TSBP1: variants seen among roughly 807,000 people sequenced by gnomAD.
TSBP1 encodes the protein testis-expressed basic protein 1.
A neutral mutation model predicts 68.8 loss-of-function variants in TSBP1; 56 were observed. That is an observed-to-expected ratio of 0.81 (90% CI 0.66 to 1.02). The LOEUF (loss-of-function observed/expected upper bound fraction) is 1.02, where lower values mean the gene tolerates loss of function less well. TSBP1 is among the 50% of genes least tolerant of loss of function. The pLI is 0.00. For synonymous variants in TSBP1, 171 were observed against 208.7 expected (o/e 0.82, Z 1.56); for missense variants, 502 against 641.2 (o/e 0.78, Z 2.34).
At position 32,316,501 on chromosome 6, in the gene TSBP1, G is replaced by T; in HGVS notation, c.560-709C>A. 9.4e-7 allele frequency: 1 copy of T among 1,059,484 alleles called. No individual in the cohort carries two copies. The highest frequency in any genetic ancestry group is 1.4e-6 in the Non-Finnish European group (1 of 709,398). 65.6% of individuals were successfully genotyped at this position (1,059,484 alleles called of 1,614,324 possible). Reference sequence around the variant, plus strand: ...GATATTTGTGTTGGGGAGAATCTTGGTAGTCACACAGCTCTGGATGACAAT... The same window carrying T: ...GATATTTGTGTTGGGGAGAATCTTGTTAGTCACACAGCTCTGGATGACAAT... On this transcript the variant is annotated intron_variant, in intron 18 of 22. Transcript: ENST00000612031. The surrounding 1 kb of genome is among the most constrained non-coding windows in gnomAD (Gnocchi z 4.5).
chr6:32,305,974 T>C (rs553837934), intron 19 of TSBP1, among the ~76,000 whole-genome samples: 3 of 152,310 alleles, frequency 2.0e-5, no homozygotes, highest in Admixed American at 1.3e-4. Context: ...ATCTATAAAG[T>C]TGGTCAGTTT....
Position 32,343,285 on chromosome 6 carries a change from T to G in TSBP1, c.350-3647A>C, listed in dbSNP as rs780882441. On this transcript the variant is annotated intron_variant, in intron 9 of 22. Coordinates refer to ENST00000612031, the Ensembl canonical transcript of TSBP1. The surrounding 1 kb of genome is among the most constrained non-coding windows in gnomAD (Gnocchi z 4.3). ...TAAAGAACAATAACAATTATTCAAG[T>G]CAGTCTAAAGTTTCAATAATCCATC... is the stretch of plus-strand genomic sequence containing the variant. The G allele has an allele frequency of 1.5e-6, 2 of 1,354,534 alleles. No homozygotes were observed. Among genetic ancestry groups the G allele is most frequent in the South Asian group, 3.7e-5 (2 of 53,584 alleles). The allele number at this position is 1,354,534 out of a possible 1,614,324, so 83.9% of individuals were successfully genotyped here.
At chr6:32,300,728 G>T (rs1765201571) in intron 20 of TSBP1, 28 bp from the exon 24 acceptor site, 2 of 1,603,810 alleles carry the variant, frequency 1.2e-6, no homozygotes, top group Non-Finnish European at 1.7e-6. Flanking sequence ...AAACACATCA[G>T]TAGGTACTGG....
exon 22 of TSBP1, chr6:32,299,930 G>A: frequency 6.2e-7 from 1 of 1,609,352 alleles, no homozygotes; most frequent in South Asian, 1.1e-5. Context: ...ACCCACAGGA[G>A]TCAGTGCTAA....
In TSBP1 at chr6:32,315,874, T is replaced by A. The variant is rs1355105629; in HGVS notation, c.560-82A>T. On this transcript the variant is annotated intron_variant, in intron 18 of 22. Coordinates refer to ENST00000612031, the Ensembl canonical transcript of TSBP1. This position sits in a 1 kb window ranked among gnomAD's most constrained non-coding sequence, Gnocchi z 5.4. Reference sequence around the variant, plus strand: ...CATTATCTAACATATTTTGTTGGAGTCTGTGAGGGGAGGACTTGTGTGGGC... The same window carrying A: ...CATTATCTAACATATTTTGTTGGAGACTGTGAGGGGAGGACTTGTGTGGGC... The A allele has an allele frequency of 3.4e-6, 3 of 889,632 alleles. No homozygotes were observed. The highest frequency in any genetic ancestry group is 5.3e-5 in the East Asian group (2 of 37,766). 55.1% of individuals were successfully genotyped at this position (889,632 alleles called of 1,614,324 possible).
intron 19 of TSBP1, among the ~76,000 whole-genome samples, chr6:32,308,576 C>A (rs1335321012): frequency 5.4e-5 from 7 of 128,452 alleles, no homozygotes; most frequent in Non-Finnish European, 9.6e-5. Flanking sequence ...CCAGCCTGTG[C>A]GACAGAGCGA....
rs1408589472 is a variant in TSBP1 at position 32,340,936 on chromosome 6, C to T, written c.350-1298G>A. 6.6e-6 allele frequency among the ~76,000 whole-genome samples: 1 copy of T among 152,078 alleles called. No individual in the cohort carries two copies. The highest frequency in any genetic ancestry group is 1.9e-4 in the East Asian group (1 of 5,194). On this transcript the variant is annotated intron_variant, in intron 9 of 22. Transcript: ENST00000612031. The surrounding 1 kb of genome is among the most constrained non-coding windows in gnomAD (Gnocchi z 4.8). ...TCAGCCTCCTGAGTAGCTGGGATTA[C>T]AGGCATGTGCCACCACGCCCAGCTA...
rs1769774544 is a variant in TSBP1 at position 32,337,173 on chromosome 6, T to G, written c.410-538A>C. ...ATAGAACTAATGAGAAAATACTGTT[T>G]GCATTTAAATTCTTCCTGGGAAAAC... On this transcript the variant is annotated intron_variant, in intron 11 of 22. Coordinates refer to ENST00000612031, the Ensembl canonical transcript of TSBP1. This position sits in a 1 kb window ranked among gnomAD's most constrained non-coding sequence, Gnocchi z 5.5. Among the ~76,000 whole-genome samples, 1 of 152,246 alleles carries G rather than the reference T, an allele frequency of 6.6e-6. No homozygotes were observed. The highest frequency in any genetic ancestry group is 1.5e-5 in the Non-Finnish European group (1 of 68,050).
intron 8 of TSBP1, among the ~76,000 whole-genome samples, 187 bp downstream of exon 8, chr6:32,354,937 T>C (rs754656103): frequency 6.6e-6 from 1 of 152,132 alleles, no homozygotes; most frequent in Non-Finnish European, 1.5e-5. Flanking sequence ...GAGTGGAATA[T>C]GTCTATGATA....
chr6:32,371,391 G>A (rs961159364), intron 1 of TSBP1, among the ~76,000 whole-genome samples: 4 of 152,170 alleles, frequency 2.6e-5, no homozygotes, highest in Non-Finnish European at 5.9e-5. Context: ...CCATGCTACA[G>A]GAAGTGAGAT....
Position 32,365,219 on chromosome 6 carries a change from C to G in TSBP1, c.217+948G>C, listed in dbSNP as rs9268357. 166,379 of 421,860 alleles carry G rather than the reference C, an allele frequency of 0.39. 35,517 individuals are homozygous for G. Among genetic ancestry groups the G allele is most frequent in the Middle Eastern group, 0.56 (1,583 of 2,806 alleles). The allele number at this position is 421,860 out of a possible 1,614,324, so 26.1% of individuals were successfully genotyped here. ...GATGGGATTTCTAAGATTGTGCTTTCTCTCAATCCTGCAAAGCCAGTCCAG... is the reference window on the plus strand; with the variant it reads ...GATGGGATTTCTAAGATTGTGCTTTGTCTCAATCCTGCAAAGCCAGTCCAG... On this transcript the variant is annotated intron_variant, in intron 6 of 22. Coordinates refer to ENST00000612031, the Ensembl canonical transcript of TSBP1. The surrounding 1 kb of genome is among the most constrained non-coding windows in gnomAD (Gnocchi z 4.3).
chr6:32,299,824 G>T, intron 22 of TSBP1, 98 bp downstream of exon 25: 1 of 962,160 alleles, frequency 1.0e-6, no homozygotes, highest in Non-Finnish European at 1.7e-6. Flanking sequence ...ATTGGCCTTA[G>T]AAGCACAGGC....
Position 32,302,561 on chromosome 6 carries a change from C to T in TSBP1, c.601+48G>A, listed in dbSNP as rs523005. ...ACATTTGTAGAAAAAATTTGCTCAC[C>T]CCAGCCCTACAAGAAACTAATGTAA... is the stretch of plus-strand genomic sequence containing the variant. On this transcript the variant is annotated intron_variant, in intron 20 of 22. Coordinates refer to ENST00000612031, the Ensembl canonical transcript of TSBP1. This position sits in a 1 kb window ranked among gnomAD's most constrained non-coding sequence, Gnocchi z 5.1. 8.8e-3 allele frequency: 11,487 copies of T among 1,299,584 alleles called. 310 individuals carry two copies. Among genetic ancestry groups the T allele is most frequent in the African/African-American group, 0.086 (5,692 of 65,930 alleles). The allele number at this position is 1,299,584 out of a possible 1,614,324, so 80.5% of individuals were successfully genotyped here. A position where few individuals can be genotyped will look rare whatever the true frequency, so the allele number is the denominator to read the frequency against.
chr6:32,293,266 C>T, exon 23 of TSBP1: 1 of 1,612,192 alleles, frequency 6.2e-7, no homozygotes, highest in Non-Finnish European at 8.5e-7. Flanking sequence ...CTTGGGATTC[C>T]AGTGTTTCTG....
chr6:32,347,252 C>A lies in TSBP1; in HGVS notation c.349+2488G>T, dbSNP rs866009691. On this transcript the variant is annotated intron_variant, in intron 9 of 22. Transcript: ENST00000612031. ...AATCACAATTCACTGTAGCCTTGACCTCTTGGGCTCAAGTGATCCTCCCAC... is the reference window on the plus strand; with the variant it reads ...AATCACAATTCACTGTAGCCTTGACATCTTGGGCTCAAGTGATCCTCCCAC... Among the ~76,000 whole-genome samples the A allele has an allele frequency of 3.1e-4, 47 of 151,828 alleles. 1 individual carries two copies. Among genetic ancestry groups the A allele is most frequent in the African/African-American group, 1.1e-3 (46 of 41,356 alleles).
At chr6:32,342,434 A>G (rs3129903) in intron 9 of TSBP1, among the ~76,000 whole-genome samples, 115,316 of 152,100 alleles carry the variant, frequency 0.76, 43,918 homozygotes, top group South Asian at 0.86. Context: ...GATTACGGGC[A>G]TGAGCCATGG....
chr6:32,355,270 C>A (rs1351099370), intron 7 of TSBP1, 126 bp from the exon 8 acceptor site: 1 of 916,712 alleles, frequency 1.1e-6, no homozygotes, highest in African/African-American at 1.7e-5. Context: ...GGAGTCATCA[C>A]TGATCTGGTG....
chr6:32,346,985 T>C (rs1283893013), intron 9 of TSBP1, among the ~76,000 whole-genome samples: 2 of 152,232 alleles, frequency 1.3e-5, no homozygotes, highest in Admixed American at 6.5e-5. Context: ...AGAGAGTAGA[T>C]TTTAAGTGTT....
chr6:32,371,665 G>A lies in TSBP1; in HGVS notation c.13+29C>T, dbSNP rs189438985. The A allele has an allele frequency of 3.8e-4, 594 of 1,567,788 alleles. 3 individuals carry two copies. In the African/African-American group the frequency reaches 7.6e-3, roughly 20 times the overall value. On this transcript the variant is annotated intron_variant, in intron 1 of 22. Coordinates refer to ENST00000612031, the Ensembl canonical transcript of TSBP1. ...AGACTCCTGAACTACTAGAGTTGAGGAAGCCTCAAAGAGGGAGTTAGTCCA... is the reference window on the plus strand; with the variant it reads ...AGACTCCTGAACTACTAGAGTTGAGAAAGCCTCAAAGAGGGAGTTAGTCCA...
Sources: gnomAD v4.1 joint callset for allele counts (sites outside exome capture counted in the v4.1 genomes callset) on GRCh38, gnomAD v4.1.1 for gene constraint, Gnocchi (gnomAD v3.1) non-coding constraint, MANE v1.5 for transcripts, NCBI Gene and HGNC (gene_info 2026-07-23, HGNC 2026-07-21) for gene names.